The following LINGO2 variants were observed in gnomAD, a reference collection of about 807,000 sequenced individuals.
The protein encoded by LINGO2 is leucine-rich repeat and immunoglobulin-like domain-containing nogo receptor-interacting protein 2.
A neutral mutation model predicts 30.6 loss-of-function variants in LINGO2; 14 were observed. That is an observed-to-expected ratio of 0.46 (90% CI 0.30 to 0.72). LINGO2 has a LOEUF of 0.72. Ranked by LOEUF, LINGO2 falls within the 30% of genes least tolerant of loss-of-function variation. LINGO2 has a pLI of 0.07. For missense variants in LINGO2, 729 were observed against 751.7 expected (o/e 0.97, Z 0.35); for synonymous variants, 317 against 288.5 (o/e 1.10, Z -1.00).
chr9:29,018,225 A>G, the LINGO2 span, among the ~76,000 whole-genome samples: 2,679 of 151,504 alleles, frequency 0.018, 80 homozygotes, highest in African/African-American at 0.06. Context: ...TTTCTCATTT[A>G]TAAGAGTGAT....
the LINGO2 span, among the ~76,000 whole-genome samples, chr9:28,788,124 G>A: frequency 6.6e-6 from 1 of 152,010 alleles, no homozygotes; most frequent in Admixed American, 6.6e-5. Flanking sequence ...TCACAAAAAA[G>A]ATATCTACAA....
At chr9:29,182,188 A>G in the LINGO2 span, among the ~76,000 whole-genome samples, 4,597 of 152,312 alleles carry the variant, frequency 0.03, 223 homozygotes, top group African/African-American at 0.1. Context: ...GCAAGTACCC[A>G]CAACGCATTT....
chr9:28,837,005 A>G, the LINGO2 span, among the ~76,000 whole-genome samples: 1 of 152,236 alleles, frequency 6.6e-6, no homozygotes, highest in African/African-American at 2.4e-5. Context: ...GATTTCTATT[A>G]CAGGACAAAG....
chr9:28,584,669 T>A (rs1438993133), intron 1 of LINGO2, among the ~76,000 whole-genome samples: 1 of 152,050 alleles, frequency 6.6e-6, no homozygotes, highest in African/African-American at 2.4e-5. Context: ...TTATAATAGA[T>A]TTTATCACTT....
chr9:28,251,884 A>C (rs1220189476), intron 4 of LINGO2, among the ~76,000 whole-genome samples: 2 of 152,142 alleles, frequency 1.3e-5, no homozygotes, highest in Admixed American at 6.5e-5. Context: ...AAAGCTGCAA[A>C]TTGTATACCT....
At chr9:28,388,894 C>T (rs1011376007) in intron 2 of LINGO2, among the ~76,000 whole-genome samples, 1 of 148,452 alleles carries the variant, frequency 6.7e-6, no homozygotes, top group African/African-American at 2.5e-5. Flanking sequence ...CTCTTTCTCT[C>T]TTTCTCTCTC....
the LINGO2 span, among the ~76,000 whole-genome samples, chr9:28,738,881 T>A: frequency 6.4e-3 from 970 of 152,106 alleles, 27 homozygotes; most frequent in Admixed American, 0.036. Flanking sequence ...TTTAAAAAAA[T>A]TAGTTAATTA....
At chr9:28,586,162 C>A (rs567476724) in intron 1 of LINGO2, among the ~76,000 whole-genome samples, 4 of 151,882 alleles carry the variant, frequency 2.6e-5, no homozygotes, top group Non-Finnish European at 5.9e-5. Context: ...GTGGAACATA[C>A]CTGCAGGAGT....
chr9:29,183,588 G>A, the LINGO2 span, among the ~76,000 whole-genome samples: 23 of 152,088 alleles, frequency 1.5e-4, no homozygotes, highest in Non-Finnish European at 2.8e-4. Flanking sequence ...AACTTTTCTC[G>A]GGTTCATTCA....
rs936007016 is a variant in LINGO2 at position 28,329,575 on chromosome 9, A to C, written c.-245-34209T>G. On this transcript the variant is annotated intron_variant, in intron 3 of 5. Transcript: ENST00000379992. This position sits in a 1 kb window ranked among gnomAD's most constrained non-coding sequence, Gnocchi z 4.5. ...TTGAGCCAGGGCTTCGGTTCAAGCC[A>C]GGATATCCAAGCATACACAAAAATT... Among the ~76,000 whole-genome samples the C allele has an allele frequency of 6.6e-6, 1 of 152,128 alleles. No individual in the cohort carries two copies. Among genetic ancestry groups the C allele is most frequent in the Non-Finnish European group, 1.5e-5 (1 of 68,022 alleles).
intron 3 of LINGO2, among the ~76,000 whole-genome samples, chr9:28,319,146 A>T (rs896278503): frequency 6.6e-6 from 1 of 152,224 alleles, no homozygotes; most frequent in Non-Finnish European, 1.5e-5. Context: ...AAGAGTCAGG[A>T]TCTACACATG....
chr9:28,318,558 G>A (rs1824926388), intron 3 of LINGO2, among the ~76,000 whole-genome samples: 1 of 152,048 alleles, frequency 6.6e-6, no homozygotes, highest in South Asian at 2.1e-4. Context: ...ACACTTGTTT[G>A]GCTGAAGCTA....
the LINGO2 span, among the ~76,000 whole-genome samples, chr9:28,869,822 T>C: frequency 6.6e-6 from 1 of 151,950 alleles, no homozygotes; most frequent in African/African-American, 2.4e-5. Flanking sequence ...ATAATAAACA[T>C]AGCACCCTTT....
At chr9:28,274,985 G>A (rs1370978002) in intron 4 of LINGO2, among the ~76,000 whole-genome samples, 2 of 152,284 alleles carry the variant, frequency 1.3e-5, no homozygotes, top group Admixed American at 6.5e-5. Flanking sequence ...TTGATTTCCT[G>A]TCAGTATGAG....
chr9:29,190,664 A>G, the LINGO2 span, among the ~76,000 whole-genome samples: 1 of 152,192 alleles, frequency 6.6e-6, no homozygotes, highest in South Asian at 2.1e-4. Flanking sequence ...TAAAACAAAT[A>G]TCAATGGAAA....
the LINGO2 span, among the ~76,000 whole-genome samples, chr9:28,959,612 T>TCTCTCACACACACA: frequency 1.9e-3 from 246 of 132,212 alleles, 1 homozygote; most frequent in East Asian, 6.4e-3. Context: ...TCTCTCTCCC[T>TCTCTCACACACACA]CACACACACA....
At chr9:28,511,109 A>G (rs10812839) in intron 1 of LINGO2, among the ~76,000 whole-genome samples, 30,841 of 151,972 alleles carry the variant, frequency 0.2, 3,362 homozygotes, top group South Asian at 0.24. Context: ...ACCCTCACAG[A>G]TACACCCAGG....
chr9:28,617,440 C>T (rs1386842188), intron 1 of LINGO2, among the ~76,000 whole-genome samples: 2 of 152,032 alleles, frequency 1.3e-5, no homozygotes, highest in African/African-American at 2.4e-5. Flanking sequence ...GGACTACAGG[C>T]GCCCACCACC....
intron 1 of LINGO2, among the ~76,000 whole-genome samples, chr9:28,530,009 G>A (rs888339025): frequency 6.6e-6 from 1 of 151,984 alleles, no homozygotes; most frequent in Non-Finnish European, 1.5e-5. Context: ...GCTTCATCGT[G>A]TTATGATTAA....
Sources: gnomAD v4.1 joint callset for allele counts (sites outside exome capture counted in the v4.1 genomes callset) on GRCh38, gnomAD v4.1.1 for gene constraint, Gnocchi (gnomAD v3.1) non-coding constraint, MANE v1.5 for transcripts, NCBI Gene and HGNC (gene_info 2026-07-23, HGNC 2026-07-21) for gene names.